CYB5R4: variants seen among roughly 807,000 people sequenced by gnomAD.
CYB5R4 encodes the protein cytochrome b5 reductase 4, also known as N-terminal cytochrome b5 and cytochrome b5 oxidoreductase domain-containing protein.
CYB5R4 carries 55 observed loss-of-function variants against 70.2 expected under a neutral mutation model. The ratio of observed to expected loss-of-function variants is 0.78; its 90% CI spans 0.63 to 0.98. CYB5R4 has a LOEUF of 0.98. CYB5R4 is among the 50% of genes least tolerant of loss of function. The probability of loss-of-function intolerance (pLI) is 0.00; values close to 1 mark genes in which losing one functional copy is unlikely to be tolerated. For synonymous variants in CYB5R4, 197 were observed against 199.5 expected (o/e 0.99, Z 0.11); for missense variants, 562 against 612.6 (o/e 0.92, Z 0.87).
At chr6:83,899,196 G>A (rs544647852) in intron 3 of CYB5R4, among the ~76,000 whole-genome samples, 1 of 152,236 alleles carries the variant, frequency 6.6e-6, no homozygotes, top group Non-Finnish European at 1.5e-5. Context: ...TTTTGTCAAA[G>A]GCCTTTTCTG....
At chr6:83,927,733 G>C (rs1447103649) in intron 10 of CYB5R4, among the ~76,000 whole-genome samples, 1 of 152,138 alleles carries the variant, frequency 6.6e-6, no homozygotes, top group African/African-American at 2.4e-5. Context: ...GTCGTTTTGG[G>C]TTTTTATGGG....
intron 14 of CYB5R4, among the ~76,000 whole-genome samples, chr6:83,948,861 C>T (rs1284817810): frequency 2.0e-5 from 3 of 151,752 alleles, no homozygotes; most frequent in Non-Finnish European, 4.4e-5. Flanking sequence ...GGATGCCTGG[C>T]TCTAACAGCA....
chr6:83,939,885 A>G (rs2099469489), intron 12 of CYB5R4, among the ~76,000 whole-genome samples, 171 bp from the exon 13 acceptor site: 1 of 152,154 alleles, frequency 6.6e-6, no homozygotes, highest in Non-Finnish European at 1.5e-5. Context: ...TATCCTTAAG[A>G]CTACTTACAT....
chr6:83,865,744 C>A (rs910329532), intron 2 of CYB5R4, among the ~76,000 whole-genome samples: 3 of 152,072 alleles, frequency 2.0e-5, no homozygotes, highest in Non-Finnish European at 4.4e-5. Context: ...TGGAGGGGGA[C>A]ACAGTTCCAC....
intron 15 of CYB5R4, among the ~76,000 whole-genome samples, chr6:83,958,111 T>G (rs1383689715): frequency 1.3e-5 from 2 of 152,196 alleles, no homozygotes; most frequent in Non-Finnish European, 2.9e-5. Context: ...TGGTGAACAT[T>G]TGTCAGTCTG....
At chr6:83,925,473 A>G (rs2099467125) in intron 10 of CYB5R4, among the ~76,000 whole-genome samples, 1 of 152,204 alleles carries the variant, frequency 6.6e-6, no homozygotes, top group African/African-American at 2.4e-5. Context: ...TTTCATTTTT[A>G]AAAAGCTTTT....
At chr6:83,923,593 G>C (rs2099466770) in intron 9 of CYB5R4, among the ~76,000 whole-genome samples, 1 of 151,952 alleles carries the variant, frequency 6.6e-6, no homozygotes, top group Non-Finnish European at 1.5e-5. Context: ...GCATATGAAA[G>C]CACATATTTT....
chr6:83,888,060 A>G (rs928496416), intron 2 of CYB5R4, among the ~76,000 whole-genome samples: 1 of 152,182 alleles, frequency 6.6e-6, no homozygotes, highest in Non-Finnish European at 1.5e-5. Context: ...ATTTGAGATT[A>G]TATCTGCTGG....
intron 14 of CYB5R4, among the ~76,000 whole-genome samples, chr6:83,943,330 G>C (rs1280765521): frequency 6.6e-6 from 1 of 152,126 alleles, no homozygotes; most frequent in Non-Finnish European, 1.5e-5. Flanking sequence ...AGGGTCTAGA[G>C]TGGACTCCCG....
At chr6:83,942,399 GGACTGTGCCATGAGT>G (rs2099469908) in intron 14 of CYB5R4, among the ~76,000 whole-genome samples, 1 of 152,164 alleles carries the variant, frequency 6.6e-6, no homozygotes, top group Non-Finnish European at 1.5e-5. Flanking sequence ...AAGCCATGAG[GGACTGTGCCATGAGT>G]GACTGTGCTA....
chr6:83,884,241 C>T (rs1179857248), intron 2 of CYB5R4, among the ~76,000 whole-genome samples: 1 of 151,750 alleles, frequency 6.6e-6, no homozygotes, highest in Non-Finnish European at 1.5e-5. Flanking sequence ...TCTTTGTGTG[C>T]ACCCATGTGT....
In CYB5R4 at chr6:83,909,097, G is replaced by A. The variant is rs1284747797; in HGVS notation, c.412+7G>A. The A allele has an allele frequency of 1.2e-6, 2 of 1,612,502 alleles. No individual in the cohort carries two copies. Among genetic ancestry groups the A allele is most frequent in the African/African-American group, 1.3e-5 (1 of 75,016 alleles). On this transcript the variant is annotated splice_region_variant and intron_variant, in intron 4 of 15. Transcript: ENST00000369681. ...AAACCTGCTGTTCTGAAAGGTAAGTGGTGCTGGTGCTAAACCAGCATGGAT... is the reference window on the plus strand; with the variant it reads ...AAACCTGCTGTTCTGAAAGGTAAGTAGTGCTGGTGCTAAACCAGCATGGAT...
intron 10 of CYB5R4, among the ~76,000 whole-genome samples, chr6:83,927,721 A>G (rs1461104892): frequency 6.6e-6 from 1 of 152,064 alleles, no homozygotes; most frequent in Non-Finnish European, 1.5e-5. Context: ...TCTTCAAACC[A>G]TGTCGTTTTG....
chr6:83,941,469 T>G (rs2099469756), intron 14 of CYB5R4, among the ~76,000 whole-genome samples: 1 of 152,182 alleles, frequency 6.6e-6, no homozygotes, highest in Non-Finnish European at 1.5e-5. Flanking sequence ...TAAATATGTA[T>G]GTATATGAAA....
chr6:83,961,151 T>C lies in CYB5R4; in HGVS notation c.*1273T>C, dbSNP rs1246792382. On this transcript the variant is annotated 3_prime_UTR_variant, in exon 16 of 16. Transcript: ENST00000369681. ...GACGCCCAGCTTGTGAAGCTTCCTATGTGCAAATGGCTGGTTGAACACTAT... is the reference window on the plus strand; with the variant it reads ...GACGCCCAGCTTGTGAAGCTTCCTACGTGCAAATGGCTGGTTGAACACTAT... 1 of 152,204 alleles carries C rather than the reference T, an allele frequency of 6.6e-6. No homozygotes were observed. Among genetic ancestry groups the C allele is most frequent in the Non-Finnish European group, 1.5e-5 (1 of 68,038 alleles). 9.4% of individuals were successfully genotyped at this position (152,204 alleles called of 1,614,324 possible). A position where few individuals can be genotyped will look rare whatever the true frequency, so the allele number is the denominator to read the frequency against.
rs780434480 is a variant in CYB5R4 at position 83,955,357 on chromosome 6, A to G, written c.1406A>G (p.His469Arg). ...TCTGAATGGAATGGCAAACAGGGAC[A>G]TATTTCACCAGCTCTTCTTTCTGAA... ...PISEWNGKQG[H>R]ISPALLSEFL... is the part of the protein sequence containing the mutation. The change falls in exon 15 of 16, where the codon CAT becomes CGT. Residue 469 changes from histidine (H) to arginine (R), a missense_variant. His to Arg is a conservative substitution (Grantham distance 29). Transcript: ENST00000369681. 3.1e-6 allele frequency: 5 copies of G among 1,613,878 alleles called. No homozygotes were observed. In the Admixed American group the frequency reaches 5.0e-5, roughly 16 times the overall value.
At chr6:83,868,391 G>A (rs1333184671) in intron 2 of CYB5R4, among the ~76,000 whole-genome samples, 1 of 152,100 alleles carries the variant, frequency 6.6e-6, no homozygotes, top group Non-Finnish European at 1.5e-5. Flanking sequence ...TTCATGTTCA[G>A]GTGTGCCGAG....
rs76232266 is a variant in CYB5R4, at chr6:83,905,516, C to G, written c.331-3493C>G. ...GCATCAGTGATGACTGTGACTTCCT[C>G]GGTGTCTTAGGGTACAATTATTGGT... On this transcript the variant is annotated intron_variant, in intron 3 of 15. Transcript: ENST00000369681. 2.0e-3 allele frequency among the ~76,000 whole-genome samples: 302 copies of G among 152,232 alleles called. 2 individuals are homozygous for G. Among genetic ancestry groups the G allele is most frequent in the African/African-American group, 6.7e-3 (277 of 41,528 alleles).
At position 83,959,574 on chromosome 6, in the gene CYB5R4, G is replaced by A. The variant is rs1268655846; in HGVS notation, c.1512-250G>A. 4.6e-4 allele frequency among the ~76,000 whole-genome samples: 70 copies of A among 152,088 alleles called. 1 individual carries two copies. The highest frequency in any genetic ancestry group is 4.6e-3 in the Admixed American group (70 of 15,278). On this transcript the variant is annotated intron_variant, in intron 15 of 15. Coordinates refer to ENST00000369681, the MANE Select transcript of CYB5R4 (RefSeq NM_016230.4). ...AGTAAATTTTAATTGGCTATTGATTGAAACTATTTTTTAAAATTATGACAT... is the reference window on the plus strand; with the variant it reads ...AGTAAATTTTAATTGGCTATTGATTAAAACTATTTTTTAAAATTATGACAT...
Sources: allele counts gnomAD v4.1 joint callset (sites outside exome capture counted in the v4.1 genomes callset), GRCh38; gene constraint gnomAD v4.1.1; transcripts MANE v1.5; gene names NCBI Gene and HGNC (gene_info 2026-07-23, HGNC 2026-07-21).